KCTD8: variants seen among roughly 807,000 people sequenced by gnomAD.
KCTD8 encodes the protein BTB/POZ domain-containing protein KCTD8.
In KCTD8, 27 loss-of-function variants were observed where a neutral mutation model predicts 31.5. That is an observed-to-expected ratio of 0.86 (90% CI 0.63 to 1.18). The LOEUF is 1.18. KCTD8 is among the 50% of genes most tolerant of loss of function. KCTD8 has a pLI of 0.00. For synonymous variants in KCTD8, 290 were observed against 280.0 expected (o/e 1.04, Z -0.36); for missense variants, 658 against 647.7 (o/e 1.02, Z -0.17).
chr4:44,246,645 G>A (rs1715675720), intron 1 of KCTD8, among the ~76,000 whole-genome samples: 1 of 151,820 alleles, frequency 6.6e-6, no homozygotes, highest in Non-Finnish European at 1.5e-5. Context: ...TCCTTAAAGA[G>A]CCATCAATCC....
intron 1 of KCTD8, among the ~76,000 whole-genome samples, chr4:44,342,366 CA>C (rs34201696): frequency 0.34 from 29,864 of 87,720 alleles, 2,430 homozygotes; most frequent in East Asian, 0.44. Context: ...AAGACTGTCT[CA>C]AAAAAAAAAA....
At chr4:44,261,259 A>G (rs921939510) in intron 1 of KCTD8, among the ~76,000 whole-genome samples, 1 of 151,940 alleles carries the variant, frequency 6.6e-6, no homozygotes, top group East Asian at 1.9e-4. Flanking sequence ...TTGGCCTTGG[A>G]TGCATTAAGT....
chr4:44,270,363 G>A (rs903957407), intron 1 of KCTD8, among the ~76,000 whole-genome samples: 2 of 139,814 alleles, frequency 1.4e-5, no homozygotes, highest in African/African-American at 5.3e-5. Context: ...GACACACGAA[G>A]GGGAACATCA....
At chr4:44,190,757 G>T (rs920247302) in intron 1 of KCTD8, among the ~76,000 whole-genome samples, 9 of 152,198 alleles carry the variant, frequency 5.9e-5, no homozygotes, top group African/African-American at 2.2e-4. Flanking sequence ...TACAGTAGGG[G>T]AGAATGAGAG....
chr4:44,448,001 C>G lies in KCTD8; in HGVS notation c.523G>C (p.Asp175His). Reference sequence around the variant, plus strand: ...GCCGCCCCGCGCAGCAGCAGCGCGTCGCTGCTACCCTGCGAGACGTTGTCC... The same window carrying G: ...GCCGCCCCGCGCAGCAGCAGCGCGTGGCTGCTACCCTGCGAGACGTTGTCC... ...LEDNVSQGSS[D>H]ALLLRGAAAA... is the part of the protein sequence containing the mutation. The change falls in exon 1 of 2, where the codon GAC becomes CAC. Residue 175 changes from aspartate (D) to histidine (H), a missense_variant. By Grantham distance (81) the Asp-to-His change is moderately conservative. Coordinates refer to ENST00000360029, the MANE Select transcript of KCTD8 (RefSeq NM_198353.3). The surrounding 1 kb of genome is among the most constrained non-coding windows in gnomAD (Gnocchi z 4.1). 1 of 1,575,730 alleles carries G rather than the reference C, an allele frequency of 6.3e-7. No individual in the cohort carries two copies. The highest frequency in any genetic ancestry group is 8.6e-7 in the Non-Finnish European group (1 of 1,161,120).
intron 1 of KCTD8, among the ~76,000 whole-genome samples, chr4:44,368,508 T>C (rs1719699560): frequency 6.6e-6 from 1 of 152,118 alleles, no homozygotes; most frequent in Non-Finnish European, 1.5e-5. Flanking sequence ...TGAGATTAGG[T>C]GGAGGACCAC....
At chr4:44,353,230 C>T (rs1316081198) in intron 1 of KCTD8, among the ~76,000 whole-genome samples, 1 of 151,966 alleles carries the variant, frequency 6.6e-6, no homozygotes. Context: ...TTTGTGTCTG[C>T]TTCATTTGGT....
intron 1 of KCTD8, among the ~76,000 whole-genome samples, chr4:44,227,735 A>T (rs1198120097): frequency 6.6e-6 from 1 of 152,218 alleles, no homozygotes; most frequent in East Asian, 1.9e-4. Flanking sequence ...ATTAAACCAG[A>T]GCCTAAGAGG....
chr4:44,189,199 C>A (rs892169059), intron 1 of KCTD8, among the ~76,000 whole-genome samples: 2 of 152,104 alleles, frequency 1.3e-5, no homozygotes, highest in African/African-American at 2.4e-5. Context: ...GAATATTGTA[C>A]TGCAAATCAT....
chr4:44,260,478 A>T (rs1373437659), intron 1 of KCTD8, among the ~76,000 whole-genome samples: 1 of 152,004 alleles, frequency 6.6e-6, no homozygotes, highest in Non-Finnish European at 1.5e-5. Flanking sequence ...TGAAGAAAAA[A>T]TAAGTCAGAG....
chr4:44,263,841 C>T (rs1478401506), intron 1 of KCTD8, among the ~76,000 whole-genome samples: 1 of 152,160 alleles, frequency 6.6e-6, no homozygotes, highest in African/African-American at 2.4e-5. Flanking sequence ...TGTACTCTTT[C>T]CTTAGAAGGA....
At chr4:44,369,425 A>G (rs1719727001) in intron 1 of KCTD8, among the ~76,000 whole-genome samples, 1 of 152,226 alleles carries the variant, frequency 6.6e-6, no homozygotes, top group African/African-American at 2.4e-5. Context: ...CACACATTTT[A>G]TATGAAGGAA....
At position 44,245,664 on chromosome 4, in the gene KCTD8, T is replaced by A. The variant is rs531504573; in HGVS notation, c.962-70414A>T. Among the ~76,000 whole-genome samples the A allele has an allele frequency of 2.0e-5, 3 of 152,086 alleles. No homozygotes were observed. The South Asian group carries it at 6.2e-4, about 31-fold the overall frequency. ...CAAGAAAATGAGATTAAAAGTGTAG[T>A]CTAATCAGTGTTAAAATGTTAATAT... On this transcript the variant is annotated intron_variant, in intron 1 of 1. Coordinates refer to ENST00000360029, the MANE Select transcript of KCTD8 (RefSeq NM_198353.3).
chr4:44,317,666 G>A (rs1718176931), intron 1 of KCTD8, among the ~76,000 whole-genome samples: 1 of 152,130 alleles, frequency 6.6e-6, no homozygotes, highest in African/African-American at 2.4e-5. Context: ...AAGCATGTGG[G>A]AATTACTTAT....
intron 1 of KCTD8, among the ~76,000 whole-genome samples, chr4:44,314,763 G>T (rs190835092): frequency 9.9e-5 from 15 of 151,298 alleles, no homozygotes; most frequent in Admixed American, 2.0e-4. Flanking sequence ...AGTACATAGA[G>T]ATTTATAATA....
At chr4:44,279,112 T>C (rs1329743664) in intron 1 of KCTD8, among the ~76,000 whole-genome samples, 4 of 152,060 alleles carry the variant, frequency 2.6e-5, no homozygotes, top group Non-Finnish European at 4.4e-5. Context: ...ATGTGTAAAA[T>C]GGAGATAGTC....
chr4:44,404,902 G>T (rs942499636), intron 1 of KCTD8, among the ~76,000 whole-genome samples: 1 of 152,136 alleles, frequency 6.6e-6, no homozygotes. Context: ...TGCCTCTCTT[G>T]TTTCATATAA....
At chr4:44,386,159 A>C (rs1211564072) in intron 1 of KCTD8, among the ~76,000 whole-genome samples, 1 of 151,588 alleles carries the variant, frequency 6.6e-6, no homozygotes, top group Non-Finnish European at 1.5e-5. Context: ...AGACACTGAA[A>C]ATAGAACCAA....
intron 1 of KCTD8, among the ~76,000 whole-genome samples, chr4:44,445,725 T>C (rs952496590): frequency 6.6e-6 from 1 of 152,194 alleles, no homozygotes; most frequent in Admixed American, 6.5e-5. Context: ...ACATTCATGC[T>C]TGTATCTTCT....
Sources: gnomAD v4.1 joint callset for allele counts (sites outside exome capture counted in the v4.1 genomes callset) on GRCh38, gnomAD v4.1.1 for gene constraint, Gnocchi (gnomAD v3.1) non-coding constraint, MANE v1.5 for transcripts, NCBI Gene and HGNC (gene_info 2026-07-23, HGNC 2026-07-21) for gene names.